The following UGT1A10 variants were observed in gnomAD, a reference collection of about 807,000 sequenced individuals.
The protein encoded by UGT1A10 is UDP glucuronosyltransferase family 1 member A10, also known as UDP-glucuronosyltransferase 1A10.
Under a neutral mutation model 45.8 loss-of-function variants are expected in UGT1A10, and 49 were observed. That is an observed-to-expected ratio of 1.07 (90% CI 0.85 to 1.36). The LOEUF (loss-of-function observed/expected upper bound fraction) is 1.36. Among genes scored for constraint, UGT1A10 ranks in the 40% most tolerant of loss-of-function variants. The pLI is 0.00. For synonymous variants in UGT1A10, 284 were observed against 249.7 expected (o/e 1.14, Z -1.29); for missense variants, 745 against 668.6 (o/e 1.11, Z -1.26).
intron 1 of UGT1A10, among the ~76,000 whole-genome samples, chr2:233,731,986 G>A (rs184170345): frequency 7.2e-5 from 11 of 152,312 alleles, no homozygotes; most frequent in East Asian, 1.9e-4. Context: ...TCTAACTGGC[G>A]TGAGATGGTA....
chr2:233,646,647 T>C (rs1386018823), intron 1 of UGT1A10, among the ~76,000 whole-genome samples: 2 of 152,196 alleles, frequency 1.3e-5, no homozygotes, highest in African/African-American at 2.4e-5. Flanking sequence ...AAGAGTCACC[T>C]TTCCTCCAGT....
At chr2:233,725,829 C>A (rs1473271913) in intron 1 of UGT1A10, among the ~76,000 whole-genome samples, 1 of 152,074 alleles carries the variant, frequency 6.6e-6, no homozygotes, top group African/African-American at 2.4e-5. Flanking sequence ...ACCAGTATTG[C>A]TACTCCTATG....
intron 1 of UGT1A10, among the ~76,000 whole-genome samples, chr2:233,699,092 C>CACCT (rs2075484389): frequency 6.6e-6 from 1 of 152,232 alleles, no homozygotes; most frequent in African/African-American, 2.4e-5. Context: ...TAGCCCTGTG[C>CACCT]ACCTCATCAC....
chr2:233,724,899 C>G lies in UGT1A10; in HGVS notation c.856-42135C>G, dbSNP rs1488264154. On this transcript the variant is annotated intron_variant, in intron 1 of 4. Transcript: ENST00000344644. ...CGGAGATCACGCCACTGCACTCCAGCCTGGGCACCATTGAGCACTGAGTGA... is the reference window on the plus strand; with the variant it reads ...CGGAGATCACGCCACTGCACTCCAGGCTGGGCACCATTGAGCACTGAGTGA... Among the ~76,000 whole-genome samples the G allele has an allele frequency of 2.9e-5, 4 of 138,200 alleles. No homozygotes were observed. In the East Asian group the frequency reaches 8.6e-4, roughly 30 times the overall value. The allele number at this position is 138,200 out of a possible 152,430, so 90.7% of individuals were successfully genotyped here.
chr2:233,760,050 C>T (rs995974685), intron 1 of UGT1A10, among the ~76,000 whole-genome samples: 2 of 152,142 alleles, frequency 1.3e-5, no homozygotes, highest in Admixed American at 6.5e-5. Context: ...TGTGTTCACT[C>T]AAGAATGTGA....
intron 1 of UGT1A10, among the ~76,000 whole-genome samples, chr2:233,749,698 G>A (rs1694252344): frequency 6.6e-6 from 1 of 151,854 alleles, no homozygotes; most frequent in Non-Finnish European, 1.5e-5. Flanking sequence ...TCTGGTGGGA[G>A]GTGATTGGAT....
intron 1 of UGT1A10, chr2:233,692,741 G>A: frequency 9.7e-7 from 1 of 1,033,006 alleles, no homozygotes; most frequent in South Asian, 1.9e-5. Context: ...CAGAGAGGGA[G>A]AAGCAGACTT....
At chr2:233,690,519 G>T in intron 1 of UGT1A10, 1 of 1,289,602 alleles carries the variant, frequency 7.8e-7, no homozygotes, top group Non-Finnish European at 1.0e-6. Context: ...TTTTATCTTA[G>T]GATCTACTTC....
At position 233,705,992 on chromosome 2, in the gene UGT1A10, G is replaced by A. The variant is rs187020674; in HGVS notation, c.856-61042G>A. On this transcript the variant is annotated intron_variant, in intron 1 of 4. Coordinates refer to ENST00000344644, the MANE Select transcript of UGT1A10 (RefSeq NM_019075.4). ...TGGTTCCGGCTACTCAGGAGGCTGA[G>A]GTGTGAGAATCACTTGCACTTGGAC... 1.2e-3 allele frequency among the ~76,000 whole-genome samples: 183 copies of A among 152,322 alleles called. 1 individual carries two copies. Among genetic ancestry groups the A allele is most frequent in the African/African-American group, 4.1e-3 (172 of 41,580 alleles).
At position 233,767,873 on chromosome 2, in the gene UGT1A10, C is replaced by T. The variant is rs72551349; in HGVS notation, c.1012C>T (p.Arg338Ter). 2.0e-5 allele frequency: 32 copies of T among 1,614,038 alleles called. No homozygotes were observed. Among genetic ancestry groups the T allele is most frequent in the South Asian group, 1.5e-4 (14 of 91,082 alleles). The change falls in exon 3 of 5, where the codon CGA becomes TGA. Residue 338 changes from arginine (R) to a stop codon, truncating the protein, a stop_gained. Transcript: ENST00000344644. LOFTEE classifies it high-confidence loss of function. Reference sequence around the variant, plus strand: ...GGTCCTGTGGCGGTACACTGGAACCCGACCATCGAATCTTGCGAACAACAC... The same window carrying T: ...GGTCCTGTGGCGGTACACTGGAACCTGACCATCGAATCTTGCGAACAACAC... ...QTVLWRYTGT[R>*]PSNLANNTIL...
Position 233,725,052 on chromosome 2 carries a change from C to T in UGT1A10, c.856-41982C>T, listed in dbSNP as rs575446926. ...CTCCACCAAAACCAGTCAGGCGTGG[C>T]GGCGCGCGCCTGCAATCGCAGGCAC... On this transcript the variant is annotated intron_variant, in intron 1 of 4. Coordinates refer to ENST00000344644, the MANE Select transcript of UGT1A10 (RefSeq NM_019075.4). Among the ~76,000 whole-genome samples the T allele has an allele frequency of 7.1e-4, 105 of 147,652 alleles. 7 individuals are homozygous for T. The highest frequency in any genetic ancestry group is 1.2e-3 in the Non-Finnish European group (79 of 67,134).
rs34459843 is a variant in UGT1A10, at chr2:233,690,776, T to TACAC, written c.855+53420_855+53423dup. 1.5e-4 allele frequency: 157 copies of TACAC among 1,063,506 alleles called. No homozygotes were observed. The African/African-American group carries it at 1.7e-3, about 12-fold the overall frequency. 65.9% of individuals were successfully genotyped at this position (1,063,506 alleles called of 1,614,324 possible). On this transcript the variant is annotated intron_variant, in intron 1 of 4. Transcript: ENST00000344644. ...GTGCAGACATACACACACACACACA[T>TACAC]ACACACACACACACACACACACACC...
At chr2:233,672,555 A>G in intron 1 of UGT1A10, 1 of 1,613,944 alleles carries the variant, frequency 6.2e-7, no homozygotes, top group African/African-American at 1.3e-5. Flanking sequence ...AGGAGAGAGT[A>G]CGGAACCACA....
intron 1 of UGT1A10, among the ~76,000 whole-genome samples, chr2:233,685,328 C>T (rs45629530): frequency 8.6e-5 from 13 of 152,044 alleles, no homozygotes; most frequent in Admixed American, 4.6e-4. Flanking sequence ...CCACCACACC[C>T]GGACTTAAAG....
intron 1 of UGT1A10, among the ~76,000 whole-genome samples, chr2:233,738,182 G>A (rs913308909): frequency 7.9e-5 from 12 of 152,164 alleles, no homozygotes; most frequent in African/African-American, 2.9e-4. Flanking sequence ...TGTAAGACGT[G>A]TCTTTGCCTC....
intron 1 of UGT1A10, among the ~76,000 whole-genome samples, chr2:233,651,342 T>A (rs2073735884): frequency 6.6e-6 from 1 of 152,186 alleles, no homozygotes; most frequent in Non-Finnish European, 1.5e-5. Context: ...TGATTTTATA[T>A]CACCTATCAT....
At chr2:233,653,260 C>G (rs955852285) in intron 1 of UGT1A10, among the ~76,000 whole-genome samples, 2 of 152,126 alleles carry the variant, frequency 1.3e-5, no homozygotes, top group Non-Finnish European at 2.9e-5. Flanking sequence ...TATAAAAACA[C>G]GACAGACCAC....
intron 1 of UGT1A10, chr2:233,729,157 T>C (rs3821242): frequency 0.46 from 737,600 of 1,613,154 alleles, 172,577 homozygotes; most frequent in African/African-American, 0.64. Flanking sequence ...TCCCCTGCCG[T>C]GGCTGGCCAC....
chr2:233,757,560 A>ATATATATATATATATATATATATATGTG (rs904896556), intron 1 of UGT1A10, among the ~76,000 whole-genome samples: 2 of 123,156 alleles, frequency 1.6e-5, no homozygotes, highest in African/African-American at 6.8e-5. Context: ...ATATATATAT[A>ATATATATATATATATATATATATATGTG]TGTATATATG....
Sources: gnomAD v4.1 joint callset for allele counts (sites outside exome capture counted in the v4.1 genomes callset) on GRCh38, gnomAD v4.1.1 for gene constraint, MANE v1.5 for transcripts, NCBI Gene and HGNC (gene_info 2026-07-23, HGNC 2026-07-21) for gene names.